Variants in SH3BP5 observed in about 807,000 individuals in gnomAD.
SH3BP5 encodes SH3 domain binding protein 5.
In SH3BP5, 22 loss-of-function variants were observed where a neutral mutation model predicts 43.3. The ratio of observed to expected loss-of-function variants is 0.51; its 90% CI spans 0.36 to 0.73. SH3BP5 has a LOEUF of 0.73. Among genes scored for constraint, SH3BP5 ranks in the 30% least tolerant of loss-of-function variants. The probability of loss-of-function intolerance (pLI) is 0.00; values close to 1 mark genes in which losing one functional copy is unlikely to be tolerated. For synonymous variants in SH3BP5, 255 were observed against 225.8 expected, an observed-to-expected ratio of 1.13 and a Z score of -1.16; for missense variants, 529 against 586.9, an observed-to-expected ratio of 0.90 and a Z score of 1.02.
intron 3 of SH3BP5, chr3:15,276,074 A>G (rs1021884976): frequency 6.7e-6 from 1 of 149,452 alleles, no homozygotes; most frequent in Non-Finnish European, 1.5e-5. Flanking sequence ...TGTGACCTTC[A>G]TTAGACACTG....
chr3:15,327,946 C>T (rs555242332), intron 2 of SH3BP5, among the ~76,000 whole-genome samples: 3 of 152,244 alleles, frequency 2.0e-5, no homozygotes, highest in East Asian at 3.9e-4. Flanking sequence ...AGCAAGTCCA[C>T]GTTGAAATTG....
chr3:15,318,555 CTATGTT>C (rs1450249001), intron 2 of SH3BP5, among the ~76,000 whole-genome samples: 2 of 127,382 alleles, frequency 1.6e-5, no homozygotes, highest in Non-Finnish European at 3.6e-5. Flanking sequence ...AAAAGCTTTC[CTATGTT>C]TTTGTTTTTG....
At position 15,294,284 on chromosome 3, in the gene SH3BP5, AAAGT is replaced by A. The variant is rs1184374757; in HGVS notation, c.330+9815_330+9818del. Among the ~76,000 whole-genome samples the A allele has an allele frequency of 5.7e-4, 80 of 140,492 alleles. 1 individual carries two copies. Among genetic ancestry groups the A allele is most frequent in the Admixed American group, 2.4e-3 (33 of 13,882 alleles). The allele number at this position is 140,492 out of a possible 152,430, so 92.2% of individuals were successfully genotyped here. On this transcript the variant is annotated intron_variant, in intron 3 of 8. Coordinates refer to ENST00000383791, the MANE Select transcript of SH3BP5 (RefSeq NM_004844.5). ...CTAAGCCCCAGTTTCTTCTTCTGCA[AAAGT>A]AAGTGTGTGTGTGTGTGTGTGTGTG...
intron 4 of SH3BP5, among the ~76,000 whole-genome samples, chr3:15,266,114 G>C (rs915845940): frequency 1.3e-5 from 2 of 152,184 alleles, no homozygotes; most frequent in Admixed American, 6.5e-5. Flanking sequence ...CATCACAGAG[G>C]GGCGGTCAGG....
chr3:15,291,773 T>C (rs943177427), intron 3 of SH3BP5, among the ~76,000 whole-genome samples: 1 of 152,180 alleles, frequency 6.6e-6, no homozygotes, highest in African/African-American at 2.4e-5. Flanking sequence ...ATGGGAATGT[T>C]TGTAAGTCAG....
upstream of SH3BP5, among the ~76,000 whole-genome samples, chr3:15,336,338 G>A (rs1698700702): frequency 6.6e-6 from 1 of 152,132 alleles, no homozygotes; most frequent in Admixed American, 6.6e-5. Context: ...AAGCATGTGG[G>A]TAGGCCACGG....
At chr3:15,327,738 C>T (rs529893814) in intron 2 of SH3BP5, among the ~76,000 whole-genome samples, 9 of 152,326 alleles carry the variant, frequency 5.9e-5, no homozygotes, top group Admixed American at 5.9e-4. Context: ...GCAGTTGGTG[C>T]CCAGCATGAA....
chr3:15,312,954 T>C (rs1379833823), intron 2 of SH3BP5, among the ~76,000 whole-genome samples: 1 of 152,132 alleles, frequency 6.6e-6, no homozygotes, highest in African/African-American at 2.4e-5. Flanking sequence ...CTTTTCAAAC[T>C]GAAGTAAGGC....
At position 15,255,316 on chromosome 3, in the gene SH3BP5, C is replaced by CTCTTAGAATAAATCCCCT. The variant is rs555020441; in HGVS notation, c.*752_*769dup. 29 of 152,740 alleles carry CTCTTAGAATAAATCCCCT rather than the reference C, an allele frequency of 1.9e-4. 1 individual carries two copies. The South Asian group carries it at 5.8e-3, about 31-fold the overall frequency. The allele number at this position is 152,740 out of a possible 1,614,324, so 9.5% of individuals were successfully genotyped here. On this transcript the variant is annotated 3_prime_UTR_variant, in exon 9 of 9. Transcript: ENST00000383791. The stretch of plus-strand genomic sequence containing the variant: ...TGGCAACCATTCTTCACATGCACTT[C>CTCTTAGAATAAATCCCCT]TCTTAGAATAAATCCCCTTGGCTGG...
At chr3:15,272,227 C>G (rs964431145) in intron 3 of SH3BP5, among the ~76,000 whole-genome samples, 8 of 152,204 alleles carry the variant, frequency 5.3e-5, no homozygotes, top group Non-Finnish European at 1.0e-4. Flanking sequence ...CCCGAGCACT[C>G]TGTGATTGTG....
chr3:15,308,202 C>T lies in SH3BP5; in HGVS notation c.202-3971G>A, dbSNP rs150158388. Among the ~76,000 whole-genome samples the T allele has an allele frequency of 2.8e-4, 42 of 152,242 alleles. 1 individual carries two copies. Among genetic ancestry groups the T allele is most frequent in the African/African-American group, 1.0e-3 (42 of 41,536 alleles). The stretch of plus-strand genomic sequence containing the variant: ...CTCTCTGGGGCACTGGTGAATACAA[C>T]CCACCAACGCTGCCTTTGTGGAGAA... On this transcript the variant is annotated intron_variant, in intron 2 of 8. Coordinates refer to ENST00000383791, the MANE Select transcript of SH3BP5 (RefSeq NM_004844.5).
At chr3:15,321,191 CA>C (rs1172144951) in intron 2 of SH3BP5, among the ~76,000 whole-genome samples, 1 of 152,182 alleles carries the variant, frequency 6.6e-6, no homozygotes, top group Non-Finnish European at 1.5e-5. Context: ...GTCAAATACA[CA>C]GAGTAACTAA....
chr3:15,271,255 G>A (rs957040497), intron 3 of SH3BP5, among the ~76,000 whole-genome samples: 1 of 152,048 alleles, frequency 6.6e-6, no homozygotes, highest in Non-Finnish European at 1.5e-5. Context: ...GCACATGGCT[G>A]TATTCCCCAC....
intron 3 of SH3BP5, among the ~76,000 whole-genome samples, chr3:15,275,157 C>T (rs1020459956): frequency 5.3e-5 from 8 of 152,164 alleles, no homozygotes; most frequent in Non-Finnish European, 1.0e-4. Context: ...TGAGGAAGCA[C>T]CATGCTGTCA....
At chr3:15,299,617 C>T (rs955564512) in intron 3 of SH3BP5, among the ~76,000 whole-genome samples, 1 of 151,216 alleles carries the variant, frequency 6.6e-6, no homozygotes, top group Non-Finnish European at 1.5e-5. Context: ...CTTCAGCCTC[C>T]TAAGGGCTAG....
At chr3:15,256,353 G>C (rs779353038) in intron 8 of SH3BP5, 50 bp from the exon 9 acceptor site, 2 of 1,546,542 alleles carry the variant, frequency 1.3e-6, no homozygotes, top group Non-Finnish European at 1.8e-6. Flanking sequence ...ATTCTGCCCT[G>C]TCTCCTATAG....
At chr3:15,286,000 C>T (rs945789876) in intron 3 of SH3BP5, among the ~76,000 whole-genome samples, 2 of 152,258 alleles carry the variant, frequency 1.3e-5, no homozygotes, top group African/African-American at 4.8e-5. Flanking sequence ...CTAATATAAA[C>T]ATGAATTAGC....
chr3:15,317,386 C>T (rs1698211107), intron 2 of SH3BP5, among the ~76,000 whole-genome samples: 1 of 152,136 alleles, frequency 6.6e-6, no homozygotes, highest in Admixed American at 6.6e-5. Flanking sequence ...CTCCCTCCTG[C>T]CTTCAGCTAA....
At chr3:15,330,175 A>G (rs1486367599) in intron 2 of SH3BP5, among the ~76,000 whole-genome samples, 2 of 152,230 alleles carry the variant, frequency 1.3e-5, no homozygotes, top group African/African-American at 4.8e-5. Flanking sequence ...CTCATTCATT[A>G]TTCTCCATTA....
Sources: gnomAD v4.1 joint callset for allele counts (sites outside exome capture counted in the v4.1 genomes callset) on GRCh38, gnomAD v4.1.1 for gene constraint, MANE v1.5 for transcripts, NCBI Gene and HGNC (gene_info 2026-07-23, HGNC 2026-07-21) for gene names.